Variants in NPSR1 observed in about 807,000 individuals in gnomAD.
The protein encoded by NPSR1 is neuropeptide S receptor.
Under a neutral mutation model 46.9 loss-of-function variants are expected in NPSR1, and 48 were observed. That is an observed-to-expected ratio of 1.02 (90% CI 0.81 to 1.30). NPSR1 has a LOEUF of 1.30. NPSR1 is among the 50% of genes most tolerant of loss of function. The pLI is 0.00. For missense variants in NPSR1, 450 were observed against 449.5 expected, an observed-to-expected ratio of 1.00 and a Z score of -0.01; for synonymous variants, 176 against 168.1, an observed-to-expected ratio of 1.05 and a Z score of -0.36.
intron 1 of NPSR1, among the ~76,000 whole-genome samples, chr7:34,660,773 C>T (rs1056972775): frequency 6.6e-6 from 1 of 152,154 alleles, no homozygotes; most frequent in Non-Finnish European, 1.5e-5. Context: ...TGCCTTCCAT[C>T]TTCATCTGTT....
At chr7:34,777,054 T>A (rs1171675587) in intron 2 of NPSR1, among the ~76,000 whole-genome samples, 1 of 152,160 alleles carries the variant, frequency 6.6e-6, no homozygotes, top group Non-Finnish European at 1.5e-5. Flanking sequence ...GGAGGGGTAG[T>A]GCCAGAACTC....
intron 2 of NPSR1, among the ~76,000 whole-genome samples, chr7:34,747,802 A>G (rs1431852964): frequency 6.6e-6 from 1 of 152,192 alleles, no homozygotes; most frequent in Admixed American, 6.5e-5. Context: ...CAGTTTTAGA[A>G]CACGACAAAT....
intron 8 of NPSR1, among the ~76,000 whole-genome samples, chr7:34,859,197 T>C (rs756478362): frequency 3.3e-5 from 5 of 151,736 alleles, no homozygotes; most frequent in South Asian, 2.1e-4. Flanking sequence ...AGCAGGAACA[T>C]TGATGCCAAC....
At chr7:34,720,918 A>G (rs1438735337) in intron 2 of NPSR1, among the ~76,000 whole-genome samples, 2 of 152,228 alleles carry the variant, frequency 1.3e-5, no homozygotes, top group East Asian at 3.8e-4. Flanking sequence ...TTGGAACTGT[A>G]TAAGTACACT....
intron 2 of NPSR1, chr7:34,703,867 G>A (rs1174155537): frequency 2.0e-5 from 3 of 150,596 alleles, no homozygotes; most frequent in Non-Finnish European, 3.0e-5. Context: ...ATAAAAATGC[G>A]GAACTAATAA....
rs1478228606 is a variant in NPSR1, at chr7:34,750,115, A to G, written c.281-28347A>G. ...TTAAGAGAAAGGCCTTGCATTTTAA[A>G]GATCGTGTATGTATTTTTTTTTTTT... On this transcript the variant is annotated intron_variant, in intron 2 of 8. Transcript: ENST00000360581. The G allele has an allele frequency of 4.8e-5, 13 of 270,976 alleles. No homozygotes were observed. In the East Asian group the frequency reaches 1.3e-3, roughly 26 times the overall value. The allele number at this position is 270,976 out of a possible 1,614,324, so 16.8% of individuals were successfully genotyped here.
intron 2 of NPSR1, among the ~76,000 whole-genome samples, chr7:34,736,332 C>G: frequency 6.6e-6 from 1 of 152,154 alleles, no homozygotes; most frequent in East Asian, 1.9e-4. Flanking sequence ...TCCTTTACAG[C>G]AGGTACTATG....
In NPSR1 at chr7:34,658,493, T is replaced by A. The variant is rs1791292469; in HGVS notation, c.81T>A (p.Thr27=). The change falls in exon 1 of 9, where the codon ACT becomes ACA. Residue 27 remains threonine (T), a synonymous_variant. Transcript: ENST00000360581. ...TGGATTCTTCCCCAGTGGCTTGCAC[T>A]GAAACAGTGACTTTTACTGAAGTGG... ...QTLDSSPVAC[T]ETVTFTEVVE... 10 of 1,614,044 alleles carry A rather than the reference T, an allele frequency of 6.2e-6. No individual in the cohort carries two copies. In the East Asian group the frequency reaches 2.2e-4, roughly 36 times the overall value.
intron 4 of NPSR1, among the ~76,000 whole-genome samples, chr7:34,820,287 C>T (rs1789489713): frequency 6.6e-6 from 1 of 152,062 alleles, no homozygotes; most frequent in Admixed American, 6.5e-5. Flanking sequence ...GCCAATTATA[C>T]ATCAATAAAG....
chr7:34,843,997 A>G (rs1298033762), intron 6 of NPSR1, among the ~76,000 whole-genome samples: 2 of 152,256 alleles, frequency 1.3e-5, no homozygotes, highest in African/African-American at 4.8e-5. Flanking sequence ...GCCTGTGCTT[A>G]TCAGAGCAAG....
intron 4 of NPSR1, among the ~76,000 whole-genome samples, chr7:34,818,606 G>A (rs1258784425): frequency 6.6e-6 from 1 of 152,144 alleles, no homozygotes; most frequent in African/African-American, 2.4e-5. Context: ...AGCCTGCATT[G>A]CCAAGACAAT....
At chr7:34,847,472 G>A (rs2128764662) in intron 7 of NPSR1, among the ~76,000 whole-genome samples, 1 of 152,184 alleles carries the variant, frequency 6.6e-6, no homozygotes, top group Non-Finnish European at 1.5e-5. Flanking sequence ...GAATTCCCAA[G>A]CTGCAGTTGG....
chr7:34,713,619 T>C (rs1783410722), intron 2 of NPSR1, among the ~76,000 whole-genome samples: 1 of 152,176 alleles, frequency 6.6e-6, no homozygotes, highest in African/African-American at 2.4e-5. Context: ...GGGATCCAGA[T>C]GCAATATTTA....
chr7:34,658,581 C>G lies in NPSR1; in HGVS notation c.147+22C>G, dbSNP rs773206488. 5.0e-6 allele frequency: 8 copies of G among 1,610,718 alleles called. No homozygotes were observed. In the South Asian group the frequency reaches 7.7e-5, roughly 16 times the overall value. The stretch of plus-strand genomic sequence containing the variant: ...TAAGGTAAGTTTCTTGCCTGCGACT[C>G]TGAACACTGACTTATAACAATGAGA... On this transcript the variant is annotated intron_variant, in intron 1 of 8. Coordinates refer to ENST00000360581, the MANE Select transcript of NPSR1 (RefSeq NM_207172.2).
At chr7:34,798,851 G>A (rs1788324761) in intron 3 of NPSR1, among the ~76,000 whole-genome samples, 1 of 152,108 alleles carries the variant, frequency 6.6e-6, no homozygotes, top group Admixed American at 6.6e-5. Context: ...TTTGGAGATT[G>A]AACAACACAC....
chr7:34,675,310 C>A (rs1013466146), intron 1 of NPSR1, among the ~76,000 whole-genome samples: 2 of 152,176 alleles, frequency 1.3e-5, no homozygotes, highest in Non-Finnish European at 2.9e-5. Context: ...ATTTCATTCC[C>A]TTTCACCCTA....
intron 2 of NPSR1, among the ~76,000 whole-genome samples, chr7:34,742,002 G>A (rs764123469): frequency 3.9e-5 from 6 of 152,118 alleles, no homozygotes; most frequent in Admixed American, 6.6e-5. Context: ...TGCCATTGTT[G>A]GCAAAATCAA....
intron 4 of NPSR1, among the ~76,000 whole-genome samples, chr7:34,819,932 G>C (rs944491508): frequency 1.8e-4 from 27 of 152,194 alleles, no homozygotes; most frequent in Admixed American, 5.9e-4. Flanking sequence ...GGAGTGAGGG[G>C]CTGGGGGAGG....
intron 8 of NPSR1, among the ~76,000 whole-genome samples, chr7:34,863,760 G>A (rs1233850068): frequency 2.0e-5 from 3 of 151,724 alleles, no homozygotes; most frequent in African/African-American, 4.9e-5. Flanking sequence ...AAATAGGAAC[G>A]CTTTTACACT....
Sources: allele counts gnomAD v4.1 joint callset (sites outside exome capture counted in the v4.1 genomes callset), GRCh38; gene constraint gnomAD v4.1.1; transcripts MANE v1.5; gene names NCBI Gene and HGNC (gene_info 2026-07-23, HGNC 2026-07-21).